Variants in SRGAP2B observed in about 807,000 individuals in gnomAD.
SRGAP2B encodes the protein SLIT-ROBO Rho GTPase activating protein 2B.
SRGAP2B carries 9 observed loss-of-function variants against 22.2 expected under a neutral mutation model. The ratio of observed to expected loss-of-function variants is 0.41; its 90% confidence interval spans 0.24 to 0.71. The LOEUF (loss-of-function observed/expected upper bound fraction) is 0.71, where lower values mean the gene tolerates loss of function less well. Among genes scored for constraint, SRGAP2B ranks in the 30% least tolerant of loss-of-function variants. The probability of loss-of-function intolerance (pLI) is 0.35; values close to 1 mark genes in which losing one functional copy is unlikely to be tolerated. For synonymous variants in SRGAP2B, 36 were observed against 87.4 expected, an observed-to-expected ratio of 0.41 and a Z score of 3.28; for missense variants, 114 against 235.8, an observed-to-expected ratio of 0.48 and a Z score of 3.38.
chr1:145,035,776 CCAAT>C (rs1648626285), intron 2 of SRGAP2B, among the ~76,000 whole-genome samples: 1 of 139,174 alleles, frequency 7.2e-6, no homozygotes, highest in South Asian at 2.4e-4. Flanking sequence ...TCTTAATTGC[CCAAT>C]CAAAAGGAAA....
intron 3 of SRGAP2B, among the ~76,000 whole-genome samples, chr1:144,992,090 G>A (rs1413460944): frequency 1.5e-4 from 22 of 150,266 alleles, no homozygotes; most frequent in East Asian, 3.9e-4. Flanking sequence ...CAAGCCCACC[G>A]GGAGGAACGA....
chr1:144,966,723 A>C (rs1668111388), intron 3 of SRGAP2B, among the ~76,000 whole-genome samples: 1 of 147,432 alleles, frequency 6.8e-6, no homozygotes, highest in Non-Finnish European at 1.5e-5. Context: ...AAGACCCATC[A>C]GTGTGCTGTA....
At chr1:144,969,813 A>G (rs1668362493) in intron 3 of SRGAP2B, among the ~76,000 whole-genome samples, 1 of 150,904 alleles carries the variant, frequency 6.6e-6, no homozygotes, top group Admixed American at 6.6e-5. Context: ...AAAACAAACA[A>G]CCCCATCAAA....
chr1:145,075,947 G>A (rs1652460597), intron 2 of SRGAP2B, among the ~76,000 whole-genome samples: 1 of 149,704 alleles, frequency 6.7e-6, no homozygotes, highest in Non-Finnish European at 1.5e-5. Flanking sequence ...AATTGGCCCA[G>A]CGTGGTGGCA....
At chr1:144,923,065 T>TGGGAGTTCAG (rs1286927112) in intron 4 of SRGAP2B, among the ~76,000 whole-genome samples, 1 of 150,402 alleles carries the variant, frequency 6.6e-6, no homozygotes, top group South Asian at 2.1e-4. Context: ...GGGACAAGGG[T>TGGGAGTTCAG]GGGAGTTCAG....
Position 144,897,346 on chromosome 1 carries a change from GGAA to G in SRGAP2B, c.832-12_832-10del. ...TAGCCTAAGTCACAACACTGCTGTG[GGAA>G]GGAGAAGGCACATGAGCACACCATG... On this transcript the variant is annotated splice_polypyrimidine_tract_variant and intron_variant, in intron 7 of 9. Transcript: ENST00000612199. 8.4e-6 allele frequency: 1 copy of G among 118,800 alleles called. No individual in the cohort carries two copies. The highest frequency in any genetic ancestry group is 1.5e-5 in the Non-Finnish European group (1 of 68,074). The allele number at this position is 118,800 out of a possible 1,614,324, so 7.4% of individuals were successfully genotyped here. A position where few individuals can be genotyped will look rare whatever the true frequency, so the allele number is the denominator to read the frequency against.
intron 4 of SRGAP2B, among the ~76,000 whole-genome samples, chr1:144,920,822 A>C (rs1296645571): frequency 3.3e-5 from 5 of 150,886 alleles, no homozygotes; most frequent in Non-Finnish European, 7.4e-5. Context: ...GGAATTAATA[A>C]AGAAAATAGT....
chr1:145,070,067 T>C (rs1400874780), intron 2 of SRGAP2B, among the ~76,000 whole-genome samples: 2 of 150,418 alleles, frequency 1.3e-5, no homozygotes, highest in Admixed American at 1.3e-4. Flanking sequence ...CTGATGGAAT[T>C]ACCCTGCTAG....
chr1:145,006,391 A>G (rs1439529596), intron 2 of SRGAP2B, among the ~76,000 whole-genome samples: 1 of 150,072 alleles, frequency 6.7e-6, no homozygotes, highest in Non-Finnish European at 1.5e-5. Context: ...ATCTCTTGTT[A>G]TGTTCTCCCT....
intron 3 of SRGAP2B, among the ~76,000 whole-genome samples, chr1:144,971,356 C>T (rs1668501873): frequency 6.7e-6 from 1 of 149,974 alleles, no homozygotes; most frequent in African/African-American, 2.5e-5. Flanking sequence ...GTCTCCAACT[C>T]CTGACCTCAG....
intron 4 of SRGAP2B, among the ~76,000 whole-genome samples, chr1:144,925,151 C>T (rs1664568390): frequency 6.7e-6 from 1 of 149,436 alleles, no homozygotes; most frequent in African/African-American, 2.5e-5. Flanking sequence ...TACAGGTGTT[C>T]ACCACCATGC....
intron 4 of SRGAP2B, among the ~76,000 whole-genome samples, chr1:144,921,129 A>C (rs1664220978): frequency 6.8e-6 from 1 of 146,496 alleles, no homozygotes; most frequent in Non-Finnish European, 1.5e-5. Context: ...CAATTCTTCC[A>C]ATCTCAAAGG....
chr1:144,944,816 A>AT (rs1200351450), intron 4 of SRGAP2B, among the ~76,000 whole-genome samples: 1 of 143,364 alleles, frequency 7.0e-6, no homozygotes, highest in Non-Finnish European at 1.5e-5. Flanking sequence ...GGTTCAAGTG[A>AT]TTCTCCTGCC....
intron 3 of SRGAP2B, among the ~76,000 whole-genome samples, chr1:144,993,161 T>A (rs1251369834): frequency 6.6e-6 from 1 of 150,960 alleles, no homozygotes; most frequent in Non-Finnish European, 1.5e-5. Flanking sequence ...TCGGGTATAG[T>A]GGAACAGAAA....
At chr1:144,905,400 A>T in intron 6 of SRGAP2B, among the ~76,000 whole-genome samples, 181 bp from the exon 7 acceptor site, 1 of 150,112 alleles carries the variant, frequency 6.7e-6, no homozygotes. Context: ...AGATCAATTC[A>T]GGAAAGGTTA....
chr1:145,015,850 G>A lies in SRGAP2B; in HGVS notation c.68-20650C>T, dbSNP rs1219679582. ...CTCTGGTGAGTATTGCAAATAGTCT[G>A]AAGAAGTATGGAATTGTTCCTAAGA... On this transcript the variant is annotated intron_variant, in intron 2 of 9. Transcript: ENST00000612199. Among the ~76,000 whole-genome samples the A allele has an allele frequency of 1.1e-4, 7 of 61,416 alleles. 2 individuals carry two copies. Among genetic ancestry groups the A allele is most frequent in the African/African-American group, 5.3e-4 (7 of 13,330 alleles). The allele number at this position is 61,416 out of a possible 152,430, so 40.3% of individuals were successfully genotyped here. A position where few individuals can be genotyped will look rare whatever the true frequency, so the allele number is the denominator to read the frequency against.
chr1:144,970,089 C>T lies in SRGAP2B; in HGVS notation c.261-14488G>A, dbSNP rs74815033. Among the ~76,000 whole-genome samples, 39 of 148,222 alleles carry T rather than the reference C, an allele frequency of 2.6e-4. 2 individuals are homozygous for T. The highest frequency in any genetic ancestry group is 6.7e-4 in the Admixed American group (10 of 14,944). ...TCAACCATTGTGGAAGTCAGTGTGG[C>T]GATTCCTCAGGGATCTAGAACTAGA... On this transcript the variant is annotated intron_variant, in intron 3 of 9. Coordinates refer to ENST00000612199, the Ensembl canonical transcript of SRGAP2B.
At chr1:145,080,616 T>C (rs1435139581) in intron 2 of SRGAP2B, among the ~76,000 whole-genome samples, 1 of 146,970 alleles carries the variant, frequency 6.8e-6, no homozygotes, top group Non-Finnish European at 1.5e-5. Context: ...AATGGTGCGA[T>C]CTGGGCTCAC....
At chr1:144,933,073 C>T (rs1342547208) in intron 4 of SRGAP2B, among the ~76,000 whole-genome samples, 3 of 151,738 alleles carry the variant, frequency 2.0e-5, no homozygotes, top group Admixed American at 6.6e-5. Flanking sequence ...GTACCCCTAC[C>T]CCGGCCCTGA....
Sources: gnomAD v4.1 joint callset for allele counts (sites outside exome capture counted in the v4.1 genomes callset) on GRCh38, gnomAD v4.1.1 for gene constraint, MANE v1.5 for transcripts, NCBI Gene and HGNC (gene_info 2026-07-23, HGNC 2026-07-21) for gene names.